The following SEMA6A variants were observed in gnomAD, a reference collection of about 807,000 sequenced individuals.
SEMA6A encodes semaphorin 6A.
A neutral mutation model predicts 96.8 loss-of-function variants in SEMA6A; 25 were observed. The ratio of observed to expected loss-of-function variants is 0.26; its 90% CI spans 0.19 to 0.36. The LOEUF (loss-of-function observed/expected upper bound fraction) is 0.36. Among genes scored for constraint, SEMA6A ranks in the 10% least tolerant of loss-of-function variants. SEMA6A has a pLI of 1.00. For synonymous variants in SEMA6A, 612 were observed against 518.0 expected (o/e 1.18, Z -2.46); for missense variants, 1,363 against 1,323.1 (o/e 1.03, Z -0.47).
At chr5:116,517,293 CA>C (rs11400626) in intron 1 of SEMA6A, among the ~76,000 whole-genome samples, 10,672 of 139,564 alleles carry the variant, frequency 0.076, 669 homozygotes, top group African/African-American at 0.18. Flanking sequence ...TAAAAAATTT[CA>C]AAAAAAAAAA....
intron 1 of SEMA6A, among the ~76,000 whole-genome samples, chr5:116,527,719 A>G (rs116732109): frequency 0.015 from 2,346 of 152,270 alleles, 25 homozygotes; most frequent in Admixed American, 0.027. Context: ...TAATGAGTCT[A>G]ATGATTAGTC....
At chr5:116,478,314 G>GTATATGTATCTATATAAACACACACACA (rs974892642) in intron 13 of SEMA6A, 160 bp from the exon 14 acceptor site, 11 of 812,460 alleles carry the variant, frequency 1.4e-5, no homozygotes, top group East Asian at 8.0e-5. Context: ...ACACACACAT[G>GTATATGTATCTATATAAACACACACACA]TATATGTATC....
chr5:116,513,626 CTTTTAT>C (rs1456619869), intron 1 of SEMA6A, among the ~76,000 whole-genome samples: 2 of 146,226 alleles, frequency 1.4e-5, no homozygotes, highest in Non-Finnish European at 3.0e-5. Context: ...TAATTTCCAA[CTTTTAT>C]TTTAAGTTCA....
chr5:116,531,544 T>TC (rs1325057464), intron 1 of SEMA6A, among the ~76,000 whole-genome samples: 1 of 152,208 alleles, frequency 6.6e-6, no homozygotes, highest in Non-Finnish European at 1.5e-5. Flanking sequence ...CTAGGTGTCC[T>TC]CCATCCCTTG....
chr5:116,466,169 A>G (rs1373449929), intron 18 of SEMA6A, among the ~76,000 whole-genome samples: 5 of 151,552 alleles, frequency 3.3e-5, no homozygotes, highest in African/African-American at 1.2e-4. Context: ...TCAGGAGTTC[A>G]AGACCAGCCT....
intron 6 of SEMA6A, among the ~76,000 whole-genome samples, chr5:116,493,786 GATGATGAAACCCAAATCTAT>G (rs1757445121): frequency 6.6e-6 from 1 of 152,096 alleles, no homozygotes; most frequent in Admixed American, 6.5e-5. Flanking sequence ...TTCACTTTAT[GATGATGAAACCCAAATCTAT>G]ATTTCTCTCC....
chr5:116,524,417 C>G (rs1213176078), intron 1 of SEMA6A, among the ~76,000 whole-genome samples: 1 of 152,182 alleles, frequency 6.6e-6, no homozygotes, highest in East Asian at 1.9e-4. Flanking sequence ...AAAGTAACCC[C>G]ATGAAAGAAT....
chr5:116,459,226 C>G (rs754931977), intron 18 of SEMA6A, among the ~76,000 whole-genome samples: 13 of 152,114 alleles, frequency 8.5e-5, no homozygotes, highest in Non-Finnish European at 1.8e-4. Context: ...CAGGAAAATG[C>G]CAGCGATGTG....
chr5:116,555,575 A>G (rs1343411659), intron 1 of SEMA6A, among the ~76,000 whole-genome samples: 1 of 152,162 alleles, frequency 6.6e-6, no homozygotes, highest in African/African-American at 2.4e-5. Flanking sequence ...GCAGTGGCTC[A>G]TGCCTGTAAT....
Position 116,483,856 on chromosome 5 carries a change from G to T in SEMA6A, c.963-1281C>A, listed in dbSNP as rs561202511. ...AGGTGGGTGGATAACTTGAGATCAT[G>T]AGTTCAAGACCAGAGTGGCCAACAT... On this transcript the variant is annotated intron_variant, in intron 10 of 18. Coordinates refer to ENST00000343348, the MANE Select transcript of SEMA6A (RefSeq NM_020796.5). Among the ~76,000 whole-genome samples the T allele has an allele frequency of 4.6e-5, 7 of 152,210 alleles. No individual in the cohort carries two copies. In the East Asian group the frequency reaches 1.4e-3, roughly 29 times the overall value.
At chr5:116,495,893 G>A in intron 5 of SEMA6A, 1 of 324,356 alleles carries the variant, frequency 3.1e-6, no homozygotes, top group Non-Finnish European at 5.7e-6. Context: ...ACAAAACCCT[G>A]CATGTCTGCG....
chr5:116,557,727 C>T (rs1760662295), intron 1 of SEMA6A, among the ~76,000 whole-genome samples: 1 of 152,192 alleles, frequency 6.6e-6, no homozygotes, highest in Admixed American at 6.5e-5. Flanking sequence ...GTGATGTGCA[C>T]ATTTTAATTT....
intron 1 of SEMA6A, among the ~76,000 whole-genome samples, chr5:116,513,899 T>C (rs1461173873): frequency 6.6e-6 from 1 of 152,208 alleles, no homozygotes; most frequent in Non-Finnish European, 1.5e-5. Flanking sequence ...TCTGTTCTTG[T>C]GTTAGTTTGC....
chr5:116,543,605 A>C (rs1275938530), intron 1 of SEMA6A, among the ~76,000 whole-genome samples: 1 of 152,238 alleles, frequency 6.6e-6, no homozygotes, highest in Non-Finnish European at 1.5e-5. Flanking sequence ...AGACTGATTA[A>C]TACATGATGA....
Position 116,491,821 on chromosome 5 carries a change from A to C in SEMA6A, c.454T>G (p.Leu152Val). Residue 152 changes from leucine to valine, a missense_variant, in exon 7 of 19, where the codon TTG becomes GTG. Physicochemically the swap from Leu to Val is conservative, Grantham distance 32. Around this residue, in one of 2 missense-constraint regions of SEMA6A, gnomAD observed 480 missense variants for 559.5 expected, o/e 0.86. Transcript: ENST00000343348. The stretch of plus-strand genomic sequence containing the variant: ...CTGAATTCATCCCCGAATGGTTCCA[A>C]TGTATCCATCTAAATGAAATAATCA... ...PSCRNYKMDT[L>V]EPFGDEFSGM... is the part of the protein sequence containing the mutation. 6.2e-7 allele frequency: 1 copy of C among 1,611,782 alleles called. No individual in the cohort carries two copies. Among genetic ancestry groups the C allele is most frequent in the Non-Finnish European group, 8.5e-7 (1 of 1,177,970 alleles).
intron 1 of SEMA6A, among the ~76,000 whole-genome samples, chr5:116,570,742 T>G (rs1761179287): frequency 6.6e-6 from 1 of 152,238 alleles, no homozygotes; most frequent in Non-Finnish European, 1.5e-5. Context: ...GTACACAGAA[T>G]AAACTATCTG....
Position 116,467,719 on chromosome 5 carries a change from T to G in SEMA6A, c.1758A>C (p.Thr586=), listed in dbSNP as rs779410122. The change falls in exon 18 of 19, where the codon ACA becomes ACC. Residue 586 remains threonine, a synonymous_variant. Transcript: ENST00000343348. ...NGHSSSLLPS[T]TTSDSTAQEG... ...CTTGAGCCGTCGAATCTGATGTGGT[T>G]GTGCTGGGCAAGAGGGAACTGGAAT... is the stretch of plus-strand genomic sequence containing the variant. 1 of 1,613,810 alleles carries G rather than the reference T, an allele frequency of 6.2e-7. No homozygotes were observed. The highest frequency in any genetic ancestry group is 8.5e-7 in the Non-Finnish European group (1 of 1,179,824).
intron 1 of SEMA6A, among the ~76,000 whole-genome samples, chr5:116,534,066 C>A (rs1383120783): frequency 1.3e-5 from 2 of 152,174 alleles, no homozygotes; most frequent in East Asian, 3.8e-4. Flanking sequence ...AAACACCTTC[C>A]AAGGGTGGGC....
chr5:116,493,691 A>C (rs2112739680), intron 6 of SEMA6A, among the ~76,000 whole-genome samples: 1 of 152,234 alleles, frequency 6.6e-6, no homozygotes, highest in East Asian at 1.9e-4. Flanking sequence ...TACATGCCAA[A>C]AAAAGACAGG....
Sources: gnomAD v4.1 joint callset for allele counts (sites outside exome capture counted in the v4.1 genomes callset) on GRCh38, gnomAD v4.1.1 for gene constraint, gnomAD v4.1.1 regional missense constraint, MANE v1.5 for transcripts, NCBI Gene and HGNC (gene_info 2026-07-23, HGNC 2026-07-21) for gene names.